Variants in ATG13 observed in about 807,000 individuals in gnomAD.
ATG13 encodes autophagy-related protein 13.
ATG13 carries 23 observed loss-of-function variants against 65.5 expected under a neutral mutation model. The ratio of observed to expected loss-of-function variants is 0.35; its 90% CI spans 0.25 to 0.50. The LOEUF (loss-of-function observed/expected upper bound fraction) is 0.50. Ranked by LOEUF, ATG13 falls within the 20% of genes least tolerant of loss-of-function variation. The probability of loss-of-function intolerance (pLI) is 0.98; values close to 1 mark genes in which losing one functional copy is unlikely to be tolerated. For synonymous variants in ATG13, 252 were observed against 245.2 expected (o/e 1.03, Z -0.26); for missense variants, 566 against 677.0 (o/e 0.84, Z 1.82).
chr11:46,664,019 C>T lies in ATG13; in HGVS notation c.812C>T (p.Ala271Val), dbSNP rs569301751. 356 of 1,593,972 alleles carry T rather than the reference C, an allele frequency of 2.2e-4. No individual in the cohort carries two copies. The highest frequency in any genetic ancestry group is 2.9e-4 in the Non-Finnish European group (344 of 1,178,368). Reference sequence around the variant, plus strand: ...CAGTGTGTGTTTACTGTCACAAAGGCACATTTTCAGACCCCTACTCCTGTG... The same window carrying T: ...CAGTGTGTGTTTACTGTCACAAAGGTACATTTTCAGACCCCTACTCCTGTG... Reference protein sequence around the residue: ...PSQCVFTVTKAHFQTPTPVVT... With the variant: ...PSQCVFTVTKVHFQTPTPVVT... Residue 271 changes from alanine (A) to valine (V), a missense_variant, in exon 12 of 19, where the codon GCA (alanine) becomes GTA (valine). Ala to Val is a moderately conservative substitution (Grantham distance 64). Coordinates refer to ENST00000683050, the MANE Select transcript of ATG13 (RefSeq NM_001346311.2).
chr11:46,664,715 G>T, intron 12 of ATG13, 134 bp from the exon 13 acceptor site: 2 of 723,338 alleles, frequency 2.8e-6, no homozygotes, highest in Non-Finnish European at 4.7e-6. Flanking sequence ...ATCACGTCAG[G>T]CCCCCTGCAC....
rs1232580616 is a variant in ATG13, at chr11:46,656,274, G to C, written c.499+1G>C. On this transcript the variant is annotated splice_donor_variant, in intron 8 of 18. Coordinates refer to ENST00000683050, the MANE Select transcript of ATG13 (RefSeq NM_001346311.2). LOFTEE classifies it high-confidence loss of function. The stretch of plus-strand genomic sequence containing the variant: ...GTTCAGCTGAGTGGCTTAGGAGAAG[G>C]TATGTATCAACGGTTGAAAAACATC... 1.2e-6 allele frequency: 2 copies of C among 1,611,410 alleles called. No individual in the cohort carries two copies. The highest frequency in any genetic ancestry group is 1.7e-6 in the Non-Finnish European group (2 of 1,177,734).
chr11:46,672,123 G>A (rs1245050144), intron 18 of ATG13, 132 bp from the exon 19 acceptor site: 26 of 1,430,020 alleles, frequency 1.8e-5, no homozygotes, highest in South Asian at 3.8e-5. Flanking sequence ...GCTGCCCTGC[G>A]TTCTCCCACT....
chr11:46,660,764 A>G (rs897294907), intron 11 of ATG13, among the ~76,000 whole-genome samples: 2 of 150,432 alleles, frequency 1.3e-5, no homozygotes, highest in African/African-American at 4.9e-5. Context: ...GCTGGAGTGC[A>G]GTGGTGCAGT....
intron 1 of ATG13, among the ~76,000 whole-genome samples, chr11:46,627,768 C>T (rs1434588597): frequency 3.3e-5 from 5 of 152,042 alleles, no homozygotes; most frequent in Non-Finnish European, 7.4e-5. Flanking sequence ...TGTGAGCCAC[C>T]GTGCCTGGCC....
intron 7 of ATG13, among the ~76,000 whole-genome samples, chr11:46,654,310 T>TATATAC (rs1565550695): frequency 1.4e-5 from 2 of 144,412 alleles, no homozygotes; most frequent in Non-Finnish European, 3.0e-5. Context: ...TATATATATA[T>TATATAC]GTAAAAGAGA....
intron 1 of ATG13, among the ~76,000 whole-genome samples, chr11:46,624,623 T>G (rs554411574): frequency 3.3e-5 from 5 of 152,262 alleles, no homozygotes; most frequent in African/African-American, 9.6e-5. Context: ...TATACAGTTT[T>G]AGCAAGAAAG....
intron 11 of ATG13, 28 bp downstream of exon 11, chr11:46,659,513 G>A (rs2060719278): frequency 6.4e-7 from 1 of 1,572,880 alleles, no homozygotes. Context: ...CTGGGGTGGT[G>A]GTAGTTATTT....
chr11:46,639,261 T>C (rs1278878969), intron 2 of ATG13, among the ~76,000 whole-genome samples: 1 of 152,176 alleles, frequency 6.6e-6, no homozygotes, highest in Non-Finnish European at 1.5e-5. Flanking sequence ...GCTGGGATTA[T>C]AGGCGTGAGC....
intron 5 of ATG13, among the ~76,000 whole-genome samples, chr11:46,648,468 C>A (rs2058191719): frequency 6.6e-6 from 1 of 151,726 alleles, no homozygotes; most frequent in Admixed American, 6.6e-5. Flanking sequence ...GATGAAGATA[C>A]CCCCAAAAAA....
At chr11:46,619,372 CTTTTTTTTTTTTTTT>C (rs746642470) in intron 1 of ATG13, among the ~76,000 whole-genome samples, 7 of 35,326 alleles carry the variant, frequency 2.0e-4, no homozygotes, top group Admixed American at 9.7e-4. Flanking sequence ...AGATTTCTTG[CTTTTTTTTTTTTTTT>C]TTTTTTTTTT....
At chr11:46,652,138 C>T (rs1232742383) in intron 7 of ATG13, among the ~76,000 whole-genome samples, 3 of 152,080 alleles carry the variant, frequency 2.0e-5, no homozygotes, top group Non-Finnish European at 4.4e-5. Context: ...ATCCCAGCTA[C>T]TCGGGAGGCT....
intron 1 of ATG13, chr11:46,621,226 G>A (rs1470321137): frequency 6.6e-6 from 1 of 152,094 alleles, no homozygotes; most frequent in Non-Finnish European, 1.5e-5. Flanking sequence ...TGTTGGTCAG[G>A]CTGGTCTCCA....
intron 2 of ATG13, among the ~76,000 whole-genome samples, chr11:46,637,915 C>G (rs957271517): frequency 1.3e-5 from 2 of 152,154 alleles, no homozygotes; most frequent in African/African-American, 4.8e-5. Context: ...TCAGTTGGTC[C>G]TAAGTTGGAG....
intron 2 of ATG13, among the ~76,000 whole-genome samples, chr11:46,642,399 G>A (rs1054790484): frequency 5.0e-5 from 7 of 140,834 alleles, no homozygotes; most frequent in African/African-American, 1.8e-4. Context: ...TCTGCCTTCT[G>A]GGTTCAAGCA....
chr11:46,619,969 C>CA (rs200483052), intron 1 of ATG13, among the ~76,000 whole-genome samples: 1,685 of 145,572 alleles, frequency 0.012, 42 homozygotes, highest in African/African-American at 0.041. Context: ...GTGGAGGTTG[C>CA]AGTGAGCCTA....
intron 1 of ATG13, among the ~76,000 whole-genome samples, chr11:46,624,966 A>C (rs2048986152): frequency 6.6e-6 from 1 of 152,040 alleles, no homozygotes; most frequent in Admixed American, 6.6e-5. Context: ...GGCTGCAGTG[A>C]GCCATGATCA....
chr11:46,642,304 G>GTTTTTTTTTTTTTTTTTTTTTTTTTTGT, intron 2 of ATG13, among the ~76,000 whole-genome samples: 1 of 107,922 alleles, frequency 9.3e-6, no homozygotes, highest in Non-Finnish European at 1.7e-5. Flanking sequence ...ATTTTTGTGG[G>GTTTTTTTTTTTTTTTTTTTTTTTTTTGT]TTTTTTTTTT....
chr11:46,632,746 T>C (rs1211311151), intron 2 of ATG13, among the ~76,000 whole-genome samples: 2 of 151,834 alleles, frequency 1.3e-5, no homozygotes, highest in Non-Finnish European at 2.9e-5. Context: ...ATGTGTGAAG[T>C]TTATAGTGTG....
Sources: gnomAD v4.1 joint callset for allele counts (sites outside exome capture counted in the v4.1 genomes callset) on GRCh38, gnomAD v4.1.1 for gene constraint, MANE v1.5 for transcripts, NCBI Gene and HGNC (gene_info 2026-07-23, HGNC 2026-07-21) for gene names.